NFIA: variants seen among roughly 807,000 people sequenced by gnomAD.
NFIA encodes nuclear factor I A.
NFIA carries 8 observed loss-of-function variants against 62.8 expected under a neutral mutation model. The ratio of observed to expected loss-of-function variants is 0.13; its 90% CI spans 0.07 to 0.23. The LOEUF (loss-of-function observed/expected upper bound fraction) is 0.23, where lower values mean the gene tolerates loss of function less well. Among genes scored for constraint, NFIA ranks in the 10% least tolerant of loss-of-function variants. NFIA has a pLI of 1.00. For missense variants in NFIA, 410 were observed against 642.1 expected (o/e 0.64, Z 3.91); for synonymous variants, 235 against 238.1 (o/e 0.99, Z 0.12).
At chr1:61,359,023 G>T (rs1286861210) in intron 5 of NFIA, 124 bp from the exon 6 acceptor site, 3 of 1,362,752 alleles carry the variant, frequency 2.2e-6, no homozygotes, top group Middle Eastern at 2.6e-4. Flanking sequence ...TTTAAAAGGA[G>T]TCCTAGAACT....
chr1:61,166,420 T>A (rs1467110430), intron 2 of NFIA, among the ~76,000 whole-genome samples: 1 of 152,212 alleles, frequency 6.6e-6, no homozygotes, highest in Non-Finnish European at 1.5e-5. Context: ...TGTTCCATAC[T>A]CATTTCTTTT....
At chr1:61,225,911 A>G (rs538462490) in intron 2 of NFIA, among the ~76,000 whole-genome samples, 1 of 152,328 alleles carries the variant, frequency 6.6e-6, no homozygotes, top group South Asian at 2.1e-4. Context: ...AGTTTATTAG[A>G]TGAATGGCTT....
rs1047345144 is a variant in NFIA at position 61,456,826 on chromosome 1, A to G, written c.*1506A>G. 1 of 151,556 alleles carries G rather than the reference A, an allele frequency of 6.6e-6. No individual in the cohort carries two copies. The highest frequency in any genetic ancestry group is 2.4e-5 in the African/African-American group (1 of 41,326). 9.4% of individuals were successfully genotyped at this position (151,556 alleles called of 1,614,324 possible). A position where few individuals can be genotyped will look rare whatever the true frequency, so the allele number is the denominator to read the frequency against. Reference sequence around the variant, plus strand: ...AAAAACAAAAAACAAAAACAAAAAAAAAACACAAAAAACCACAGAAACAAA... The same window carrying G: ...AAAAACAAAAAACAAAAACAAAAAAGAAACACAAAAAACCACAGAAACAAA... On this transcript the variant is annotated 3_prime_UTR_variant, in exon 11 of 11. Coordinates refer to ENST00000403491, the MANE Select transcript of NFIA (RefSeq NM_001134673.4).
chr1:61,135,907 T>C (rs1647176589), intron 2 of NFIA, among the ~76,000 whole-genome samples: 1 of 152,176 alleles, frequency 6.6e-6, no homozygotes, highest in Admixed American at 6.5e-5. Context: ...TGAAAGAATA[T>C]ATGTAGTCTC....
Position 61,459,425 on chromosome 1 carries a change from G to A in NFIA, c.*4105G>A, listed in dbSNP as rs936872584. 3.3e-5 allele frequency: 5 copies of A among 152,242 alleles called. No homozygotes were observed. The highest frequency in any genetic ancestry group is 1.2e-4 in the African/African-American group (5 of 41,436). 9.4% of individuals were successfully genotyped at this position (152,242 alleles called of 1,614,324 possible). A position where few individuals can be genotyped will look rare whatever the true frequency, so the allele number is the denominator to read the frequency against. Reference sequence around the variant, plus strand: ...CGTGCGCAGAGGGCCTCCCAGTAATGCCACGCTCTCCATGCTAGAGAGCCT... The same window carrying A: ...CGTGCGCAGAGGGCCTCCCAGTAATACCACGCTCTCCATGCTAGAGAGCCT... On this transcript the variant is annotated 3_prime_UTR_variant, in exon 11 of 11. Coordinates refer to ENST00000403491, the MANE Select transcript of NFIA (RefSeq NM_001134673.4).
rs189490527 is a variant in NFIA at position 61,423,113 on chromosome 1, T to G, written c.1421-3352T>G. Among the ~76,000 whole-genome samples, 40 of 152,082 alleles carry G rather than the reference T, an allele frequency of 2.6e-4. No homozygotes were observed. The East Asian group carries it at 6.2e-3, about 24-fold the overall frequency. On this transcript the variant is annotated intron_variant, in intron 9 of 10. Coordinates refer to ENST00000403491, the MANE Select transcript of NFIA (RefSeq NM_001134673.4). ...CTCTTGGATAATGTGAAGAAATACA[T>G]TAGAGAGAGAGAGAAAATATGGTCA...
At chr1:61,110,185 C>A (rs1054933843) in intron 2 of NFIA, among the ~76,000 whole-genome samples, 1 of 151,668 alleles carries the variant, frequency 6.6e-6, no homozygotes, top group South Asian at 2.1e-4. Flanking sequence ...CTGGTGCTGA[C>A]ACAGCACAGG....
At chr1:61,418,208 A>G (rs1666443424) in intron 9 of NFIA, among the ~76,000 whole-genome samples, 1 of 152,184 alleles carries the variant, frequency 6.6e-6, no homozygotes, top group African/African-American at 2.4e-5. Context: ...ACACACCTGT[A>G]ATCCCAGCAC....
At chr1:61,269,927 C>CAA (rs1248122802) in intron 2 of NFIA, among the ~76,000 whole-genome samples, 1 of 152,164 alleles carries the variant, frequency 6.6e-6, no homozygotes, top group Non-Finnish European at 1.5e-5. Context: ...CTGGCTTAGA[C>CAA]AAAGTGTTGC....
intron 2 of NFIA, among the ~76,000 whole-genome samples, chr1:61,109,915 T>G (rs1213472863): frequency 1.3e-5 from 2 of 152,068 alleles, no homozygotes; most frequent in African/African-American, 2.4e-5. Context: ...ATCTTTTTAA[T>G]TATTTTATGT....
intron 6 of NFIA, among the ~76,000 whole-genome samples, chr1:61,368,663 G>A (rs549357705): frequency 9.9e-5 from 15 of 152,272 alleles, no homozygotes; most frequent in African/African-American, 2.9e-4. Context: ...TAAAAGTATC[G>A]TGCAGGGCAC....
chr1:61,406,542 T>TGGGGG lies in NFIA; in HGVS notation c.1255-19_1255-18insGGGGG, dbSNP rs1665830183. ...TTCTTTTTCTTGTACGTGTGTTTTC[T>TGGGGG]GCCCCCCCCCCCCCCACAGCCCAAT... On this transcript the variant is annotated intron_variant, in intron 8 of 10. Transcript: ENST00000403491. The TGGGGG allele has an allele frequency of 2.0e-4, 251 of 1,253,196 alleles. No homozygotes were observed. Among genetic ancestry groups the TGGGGG allele is most frequent in the East Asian group, 4.9e-4 (16 of 32,676 alleles). The allele number at this position is 1,253,196 out of a possible 1,614,324, so 77.6% of individuals were successfully genotyped here.
intron 2 of NFIA, among the ~76,000 whole-genome samples, chr1:61,108,294 A>G (rs1381943550): frequency 6.6e-6 from 1 of 151,498 alleles, no homozygotes; most frequent in Non-Finnish European, 1.5e-5. Flanking sequence ...ATTTATTTAG[A>G]TCTTATTCTT....
chr1:61,083,241 C>T (rs1033665247), intron 1 of NFIA, among the ~76,000 whole-genome samples: 2 of 152,074 alleles, frequency 1.3e-5, no homozygotes, highest in Non-Finnish European at 2.9e-5. Context: ...CGTAGTGCCG[C>T]AGCGCCCGGG....
chr1:61,104,112 G>A (rs1646556265), intron 2 of NFIA, among the ~76,000 whole-genome samples: 3 of 152,004 alleles, frequency 2.0e-5, no homozygotes, highest in Non-Finnish European at 4.4e-5. Context: ...CCCTGCTAGG[G>A]GAGGAAATAA....
chr1:61,155,454 A>ACC (rs1182012625), intron 2 of NFIA, among the ~76,000 whole-genome samples: 4 of 148,694 alleles, frequency 2.7e-5, no homozygotes, highest in South Asian at 2.2e-4. Flanking sequence ...CGGGTGGATC[A>ACC]TGAGGTCAGG....
chr1:61,395,289 T>TGG (rs202238675), intron 7 of NFIA, among the ~76,000 whole-genome samples: 1 of 134,886 alleles, frequency 7.4e-6, no homozygotes, highest in African/African-American at 2.9e-5. Context: ...TGTGTGTGTG[T>TGG]TTTTTTTTTT....
At chr1:61,081,294 T>A (rs1222262510), upstream of NFIA, among the ~76,000 whole-genome samples, 1 of 151,158 alleles carries the variant, frequency 6.6e-6, no homozygotes, top group Non-Finnish European at 1.5e-5. Flanking sequence ...TACTGGCAAC[T>A]TGCCAAACCC....
intron 2 of NFIA, among the ~76,000 whole-genome samples, chr1:61,218,182 C>A (rs536546954): frequency 1.3e-5 from 2 of 150,858 alleles, no homozygotes; most frequent in Admixed American, 6.6e-5. Flanking sequence ...ATGGAGGTAC[C>A]ACTCTGTTTT....
Sources: allele counts gnomAD v4.1 joint callset (sites outside exome capture counted in the v4.1 genomes callset), GRCh38; gene constraint gnomAD v4.1.1; transcripts MANE v1.5; gene names NCBI Gene and HGNC (gene_info 2026-07-23, HGNC 2026-07-21).